The following PARD6B variants were observed in gnomAD, a reference collection of about 807,000 sequenced individuals.
The protein encoded by PARD6B is partitioning defective 6 homolog beta.
A neutral mutation model predicts 10.5 loss-of-function variants in PARD6B; 4 were observed. The ratio of observed to expected loss-of-function variants is 0.38; its 90% CI spans 0.19 to 0.87. The LOEUF (loss-of-function observed/expected upper bound fraction) is 0.87, where lower values mean the gene tolerates loss of function less well. PARD6B is among the 40% of genes least tolerant of loss of function. The probability of loss-of-function intolerance (pLI) is 0.41; values close to 1 mark genes in which losing one functional copy is unlikely to be tolerated. For missense variants in PARD6B, 396 were observed against 470.6 expected (o/e 0.84, Z 1.47); for synonymous variants, 169 against 170.4 (o/e 0.99, Z 0.07).
chr20:50,735,724 A>G (rs1174529534), intron 1 of PARD6B, among the ~76,000 whole-genome samples: 2 of 152,192 alleles, frequency 1.3e-5, no homozygotes, highest in South Asian at 2.1e-4. Context: ...AAGCCATACA[A>G]TTTTTTATTG....
At chr20:50,743,391 CT>C (rs1252159621) in intron 2 of PARD6B, among the ~76,000 whole-genome samples, 1 of 152,204 alleles carries the variant, frequency 6.6e-6, no homozygotes, top group Non-Finnish European at 1.5e-5. Flanking sequence ...TAAACTTTGT[CT>C]CTCATAGGGC....
chr20:50,735,188 A>G (rs536506738), intron 1 of PARD6B, among the ~76,000 whole-genome samples: 2 of 152,214 alleles, frequency 1.3e-5, no homozygotes, highest in South Asian at 2.1e-4. Flanking sequence ...AGTAGTGTCA[A>G]CATTATTATC....
At position 50,749,811 on chromosome 20, in the gene PARD6B, G is replaced by A. The variant is rs377211034; in HGVS notation, c.442G>A (p.Val148Met). 6.8e-6 allele frequency: 11 copies of A among 1,614,106 alleles called. No individual in the cohort carries two copies. The highest frequency in any genetic ancestry group is 1.7e-5 in the Admixed American group (1 of 60,004). The part of the protein sequence containing the change: ...DFRPVSSIID[V>M]DILPETHRRV... ...TAGACCTGTGTCTTCTATTATAGAC[G>A]TGGATATTCTCCCAGAAACGCATCG... is the stretch of plus-strand genomic sequence containing the variant. The change falls in exon 3 of 3, where the codon GTG becomes ATG. Residue 148 changes from valine (V) to methionine (M), a missense_variant. Physicochemically the swap from Val to Met is conservative, Grantham distance 21. Transcript: ENST00000371610.
Position 50,751,892 on chromosome 20 carries a change from TG to T in PARD6B, c.*1406del. On this transcript the variant is annotated 3_prime_UTR_variant, in exon 3 of 3. Coordinates refer to ENST00000371610, the MANE Select transcript of PARD6B (RefSeq NM_032521.3). ...TATTTTTTTGTATTTTTAGTAGAGA[TG>T]GAGTTTCACCATGTTGGTCAGGTGG... 1.2e-6 allele frequency: 1 copy of T among 866,912 alleles called. No individual in the cohort carries two copies. Among genetic ancestry groups the T allele is most frequent in the Non-Finnish European group, 1.4e-6 (1 of 722,492 alleles). The allele number at this position is 866,912 out of a possible 1,614,324, so 53.7% of individuals were successfully genotyped here. A position where few individuals can be genotyped will look rare whatever the true frequency, so the allele number is the denominator to read the frequency against.
rs2087609587 is a variant in PARD6B, at chr20:50,751,468, G to C, written c.*980G>C. On this transcript the variant is annotated 3_prime_UTR_variant, in exon 3 of 3. Transcript: ENST00000371610. ...CCTCCTGGGTTCACACCATTCTCCT[G>C]CCTCAGCCTCCCAAGTAGCTGGGAC... is the stretch of plus-strand genomic sequence containing the variant. 3 of 739,734 alleles carry C rather than the reference G, an allele frequency of 4.1e-6. No individual in the cohort carries two copies. In the South Asian group the frequency reaches 1.9e-4, roughly 46 times the overall value. 45.8% of individuals were successfully genotyped at this position (739,734 alleles called of 1,614,324 possible).
chr20:50,750,370 T>G lies in PARD6B; in HGVS notation c.1001T>G (p.Phe334Cys). Reference sequence around the variant, plus strand: ...AGCTTTGAGTCTGGACAGAATGGCTTTATTCCCTCTAATGAAGTGAGCTTA... The same window carrying G: ...AGCTTTGAGTCTGGACAGAATGGCTGTATTCCCTCTAATGAAGTGAGCTTA... Reference protein sequence around the residue: ...ELSFESGQNGFIPSNEVSLAA... With the variant: ...ELSFESGQNGCIPSNEVSLAA... The change falls in exon 3 of 3, where the codon TTT (phenylalanine) becomes TGT (cysteine). Residue 334 changes from phenylalanine (F) to cysteine (C), a missense_variant. Transcript: ENST00000371610. 1 of 1,614,204 alleles carries G rather than the reference T, an allele frequency of 6.2e-7. No individual in the cohort carries two copies. Among genetic ancestry groups the G allele is most frequent in the Non-Finnish European group, 8.5e-7 (1 of 1,180,034 alleles).
In PARD6B at chr20:50,749,646, T is replaced by TG. The variant is rs1383517903; in HGVS notation, c.290-13_290-12insG. ...CAGCATTTCTATAATTATTTTGTTT[T>TG]ATTTTTAAACAGAAGAAGCAGACTA... On this transcript the variant is annotated splice_polypyrimidine_tract_variant and intron_variant, in intron 2 of 2. Transcript: ENST00000371610. The TG allele has an allele frequency of 1.3e-6, 2 of 1,547,056 alleles. No homozygotes were observed. Among genetic ancestry groups the TG allele is most frequent in the Non-Finnish European group, 1.7e-6 (2 of 1,151,154 alleles).
In PARD6B at chr20:50,741,252, C is replaced by T. The variant is rs2087528848; in HGVS notation, c.289+3173C>T. The stretch of plus-strand genomic sequence containing the variant: ...CTGGGATTACAGGTGTGAGCCACTG[C>T]ACCCAGCCGTTAGCTTGTTTCTGTT... On this transcript the variant is annotated intron_variant, in intron 2 of 2. Coordinates refer to ENST00000371610, the MANE Select transcript of PARD6B (RefSeq NM_032521.3). Among the ~76,000 whole-genome samples, 3 of 152,030 alleles carry T rather than the reference C, an allele frequency of 2.0e-5. No homozygotes were observed. In the South Asian group the frequency reaches 6.2e-4, roughly 32 times the overall value.
At chr20:50,746,473 C>A (rs1483267860) in intron 2 of PARD6B, among the ~76,000 whole-genome samples, 1 of 152,246 alleles carries the variant, frequency 6.6e-6, no homozygotes, top group African/African-American at 2.4e-5. Context: ...TTGCTATGAT[C>A]AAGTTTTCAA....
intron 2 of PARD6B, 146 bp downstream of exon 2, chr20:50,738,225 A>G (rs899198223): frequency 3.8e-6 from 2 of 523,842 alleles, no homozygotes; most frequent in Non-Finnish European, 6.5e-6. Flanking sequence ...GGGTTAAAAC[A>G]TTTGTGATAT....
At chr20:50,734,509 C>CTTAT (rs200306022) in intron 1 of PARD6B, among the ~76,000 whole-genome samples, 10,929 of 150,558 alleles carry the variant, frequency 0.073, 436 homozygotes, top group South Asian at 0.095. Context: ...CTACACCCAG[C>CTTAT]TTATTTATTT....
At position 50,743,750 on chromosome 20, in the gene PARD6B, T is replaced by C. The variant is rs9941734; in HGVS notation, c.289+5671T>C. ...AAAAATACAAAAAAATTAGCCGGGC[T>C]TGGTGGTGGGCGCCTGTAGTCCCAG... On this transcript the variant is annotated intron_variant, in intron 2 of 2. Coordinates refer to ENST00000371610, the MANE Select transcript of PARD6B (RefSeq NM_032521.3). Among the ~76,000 whole-genome samples, 246 of 151,822 alleles carry C rather than the reference T, an allele frequency of 1.6e-3. 1 individual carries two copies. Among genetic ancestry groups the C allele is most frequent in the African/African-American group, 5.6e-3 (232 of 41,394 alleles).
Position 50,751,506 on chromosome 20 carries a change from C to T in PARD6B, c.*1018C>T. On this transcript the variant is annotated 3_prime_UTR_variant, in exon 3 of 3. Transcript: ENST00000371610. ...AAGTAGCTGGGACTACAGGCGCCTGCCACCATGCCTGGCTAATTTTTAGTA... is the reference window on the plus strand; with the variant it reads ...AAGTAGCTGGGACTACAGGCGCCTGTCACCATGCCTGGCTAATTTTTAGTA... 1.3e-6 allele frequency: 1 copy of T among 766,414 alleles called. No homozygotes were observed. The highest frequency in any genetic ancestry group is 1.6e-6 in the Non-Finnish European group (1 of 630,986). The allele number at this position is 766,414 out of a possible 1,614,324, so 47.5% of individuals were successfully genotyped here. A position where few individuals can be genotyped will look rare whatever the true frequency, so the allele number is the denominator to read the frequency against.
At position 50,753,509 on chromosome 20, in the gene PARD6B, T is replaced by G; in HGVS notation, c.*3021T>G. 1.0e-6 allele frequency: 1 copy of G among 952,718 alleles called. No individual in the cohort carries two copies. Among genetic ancestry groups the G allele is most frequent in the African/African-American group, 1.8e-5 (1 of 56,632 alleles). The allele number at this position is 952,718 out of a possible 1,614,324, so 59.0% of individuals were successfully genotyped here. A position where few individuals can be genotyped will look rare whatever the true frequency, so the allele number is the denominator to read the frequency against. ...AATTTATGATAATGTTCTCGAGCTATCAACAAAATATATGTACTTTTGTGA... is the reference window on the plus strand; with the variant it reads ...AATTTATGATAATGTTCTCGAGCTAGCAACAAAATATATGTACTTTTGTGA... On this transcript the variant is annotated 3_prime_UTR_variant, in exon 3 of 3. Transcript: ENST00000371610.
At chr20:50,735,784 A>G (rs904017553) in intron 1 of PARD6B, among the ~76,000 whole-genome samples, 1 of 152,248 alleles carries the variant, frequency 6.6e-6, no homozygotes, top group Admixed American at 6.5e-5. Context: ...AAGAAATTTC[A>G]TCCAAAAGCT....
chr20:50,741,322 G>A (rs1399663006), intron 2 of PARD6B, among the ~76,000 whole-genome samples: 5 of 151,656 alleles, frequency 3.3e-5, no homozygotes, highest in Admixed American at 2.6e-4. Flanking sequence ...CTTCACCCTC[G>A]GTTCTTCCCA....
intron 2 of PARD6B, among the ~76,000 whole-genome samples, chr20:50,738,313 C>T (rs1018487190): frequency 2.0e-5 from 3 of 152,120 alleles, no homozygotes; most frequent in Admixed American, 6.5e-5. Flanking sequence ...TTTGTGTTAA[C>T]CTCTTTGGTT....
intron 2 of PARD6B, among the ~76,000 whole-genome samples, chr20:50,742,094 C>A (rs2087533868): frequency 6.6e-6 from 1 of 152,112 alleles, no homozygotes; most frequent in Admixed American, 6.5e-5. Flanking sequence ...GCTCTGTCAC[C>A]CAGGCTGGAA....
intron 1 of PARD6B, among the ~76,000 whole-genome samples, chr20:50,735,160 A>T (rs1233813520): frequency 2.6e-5 from 4 of 152,168 alleles, no homozygotes; most frequent in Admixed American, 2.0e-4. Context: ...TCAAAAAAAT[A>T]AAAAAATGCA....
Sources: gnomAD v4.1 joint callset for allele counts (sites outside exome capture counted in the v4.1 genomes callset) on GRCh38, gnomAD v4.1.1 for gene constraint, MANE v1.5 for transcripts, NCBI Gene and HGNC (gene_info 2026-07-23, HGNC 2026-07-21) for gene names.